The following CFAP20DC variants were observed in gnomAD, a reference collection of about 807,000 sequenced individuals.
CFAP20DC encodes the protein protein CFAP20DC.
Under a neutral mutation model 101.7 loss-of-function variants are expected in CFAP20DC, and 84 were observed. That is an observed-to-expected ratio of 0.83 (90% CI 0.69 to 0.99). The LOEUF is 0.99. Ranked by LOEUF, CFAP20DC falls within the 50% of genes least tolerant of loss-of-function variation. The pLI, the probability that CFAP20DC is intolerant of heterozygous loss-of-function variation, is 0.00. For missense variants in CFAP20DC, 1,007 were observed against 970.3 expected, an observed-to-expected ratio of 1.04 and a Z score of -0.50; for synonymous variants, 359 against 351.2, an observed-to-expected ratio of 1.02 and a Z score of -0.25.
At position 58,724,730 on chromosome 3, in the gene CFAP20DC, C is replaced by T. The variant is rs577747425; in HGVS notation, c.198-7102G>A. On this transcript the variant is annotated intron_variant, in intron 3 of 3. Transcript: ENST00000486145. This position sits in a 1 kb window ranked among gnomAD's most constrained non-coding sequence, Gnocchi z 5.6. ...TTTGCAGCCTCCATTTTGCAACTGG[C>T]CCCCTGGCTCCCACCTTTATGAACT... is the stretch of plus-strand genomic sequence containing the variant. Among the ~76,000 whole-genome samples, 2 of 152,252 alleles carry T rather than the reference C, an allele frequency of 1.3e-5. No homozygotes were observed. The highest frequency in any genetic ancestry group is 1.9e-4 in the East Asian group (1 of 5,172).
Position 58,801,526 on chromosome 3 carries a change from T to G in CFAP20DC, c.2237+4869A>C, listed in dbSNP as rs189850788. On this transcript the variant is annotated intron_variant, in intron 15 of 16. Transcript: ENST00000482387. ...GAACATTAAAGTTCTGTACTTAATT[T>G]TATTAATTTATACATTTTCTCTCTT... Among the ~76,000 whole-genome samples the G allele has an allele frequency of 4.9e-4, 75 of 152,302 alleles. 1 individual carries two copies. The highest frequency in any genetic ancestry group is 1.8e-3 in the African/African-American group (73 of 41,578).
At chr3:58,816,495 G>A (rs1214744370) in intron 14 of CFAP20DC, among the ~76,000 whole-genome samples, 1 of 152,218 alleles carries the variant, frequency 6.6e-6, no homozygotes, top group Non-Finnish European at 1.5e-5. Context: ...CAAGGGGTCA[G>A]GGAGTTCCCT....
At chr3:58,930,910 C>A (rs1041021249) in intron 5 of CFAP20DC, among the ~76,000 whole-genome samples, 1 of 152,122 alleles carries the variant, frequency 6.6e-6, no homozygotes, top group Non-Finnish European at 1.5e-5. Context: ...GAGTGTCAGA[C>A]AGTGGGCGCA....
At chr3:58,967,964 T>A (rs2091690117) in intron 4 of CFAP20DC, among the ~76,000 whole-genome samples, 1 of 152,220 alleles carries the variant, frequency 6.6e-6, no homozygotes, top group South Asian at 2.1e-4. Context: ...ATGCAGCATT[T>A]AGTTTTCTGT....
chr3:59,046,004 T>G (rs1699828198), intron 3 of CFAP20DC, among the ~76,000 whole-genome samples: 1 of 152,126 alleles, frequency 6.6e-6, no homozygotes, highest in Non-Finnish European at 1.5e-5. Context: ...AAATCTTCTT[T>G]AAGATACTAC....
chr3:58,820,213 T>C (rs2075527509), intron 14 of CFAP20DC, among the ~76,000 whole-genome samples: 1 of 150,358 alleles, frequency 6.7e-6, no homozygotes, highest in South Asian at 2.1e-4. Context: ...ACTGGAAGCA[T>C]TCCCTTTGAA....
intron 4 of CFAP20DC, among the ~76,000 whole-genome samples, chr3:58,940,213 G>C (rs1351221694): frequency 6.6e-6 from 1 of 152,206 alleles, no homozygotes. Flanking sequence ...AAATTGCTGG[G>C]AGTACGTCAG....
At chr3:58,765,252 C>T (rs1367422462) in intron 15 of CFAP20DC, among the ~76,000 whole-genome samples, 1 of 151,822 alleles carries the variant, frequency 6.6e-6, no homozygotes, top group Non-Finnish European at 1.5e-5. Flanking sequence ...TATAAGTATA[C>T]TGTATGTGTA....
intron 7 of CFAP20DC, among the ~76,000 whole-genome samples, chr3:58,872,780 AT>A (rs1259838384): frequency 6.6e-6 from 1 of 151,912 alleles, no homozygotes; most frequent in Non-Finnish European, 1.5e-5. Flanking sequence ...GAGGTGATAA[AT>A]TTTTTGTCAT....
In CFAP20DC at chr3:58,971,864, TACAC is replaced by T. The variant is rs34030341; in HGVS notation, c.279-34106_279-34103del. 0.015 allele frequency among the ~76,000 whole-genome samples: 2,117 copies of T among 142,438 alleles called. 43 individuals are homozygous for T. Among genetic ancestry groups the T allele is most frequent in the African/African-American group, 0.039 (1,532 of 39,470 alleles). 93.4% of individuals were successfully genotyped at this position (142,438 alleles called of 152,430 possible). On this transcript the variant is annotated intron_variant, in intron 4 of 16. Coordinates refer to ENST00000482387, the MANE Select transcript of CFAP20DC (RefSeq NM_001394063.1). This position sits in a 1 kb window ranked among gnomAD's most constrained non-coding sequence, Gnocchi z 4.1. ...CTGTAATATCATACACACGCACACA[TACAC>T]ACACACACACACACACACACACACA...
intron 6 of CFAP20DC, among the ~76,000 whole-genome samples, chr3:58,900,046 T>G (rs967008551): frequency 6.6e-6 from 1 of 152,194 alleles, no homozygotes; most frequent in African/African-American, 2.4e-5. Flanking sequence ...GGGAAAGTCC[T>G]GTGTGATAAA....
In CFAP20DC at chr3:59,049,720, G is replaced by C; in HGVS notation, c.-89C>G. 1 of 1,479,314 alleles carries C rather than the reference G, an allele frequency of 6.8e-7. No homozygotes were observed. The highest frequency in any genetic ancestry group is 9.0e-7 in the Non-Finnish European group (1 of 1,107,012). The allele number at this position is 1,479,314 out of a possible 1,614,324, so 91.6% of individuals were successfully genotyped here. On this transcript the variant is annotated 5_prime_UTR_variant, in exon 1 of 17. Coordinates refer to ENST00000482387, the MANE Select transcript of CFAP20DC (RefSeq NM_001394063.1). ...CTGACGGCTGGAAATCGGCTGGCGG[G>C]AACCCAGGAGCCCGACGGGTGGGAA...
intron 4 of CFAP20DC, among the ~76,000 whole-genome samples, chr3:58,988,136 G>A (rs913540417): frequency 2.2e-4 from 33 of 152,024 alleles, no homozygotes; most frequent in African/African-American, 7.7e-4. Context: ...ATGGAAGGAA[G>A]TTTAAATATG....
At chr3:59,009,613 G>C (rs1300816762) in intron 4 of CFAP20DC, among the ~76,000 whole-genome samples, 3 of 152,066 alleles carry the variant, frequency 2.0e-5, no homozygotes, top group Non-Finnish European at 4.4e-5. Context: ...GTGTTCCCGA[G>C]GAAGAAGAGA....
At chr3:58,774,192 G>A (rs942539098) in intron 15 of CFAP20DC, among the ~76,000 whole-genome samples, 2 of 151,896 alleles carry the variant, frequency 1.3e-5, no homozygotes, top group African/African-American at 2.4e-5. Context: ...GAAAAAAAAT[G>A]CTATCAAGGC....
At chr3:58,904,749 C>T (rs903215248) in intron 6 of CFAP20DC, among the ~76,000 whole-genome samples, 5 of 152,072 alleles carry the variant, frequency 3.3e-5, no homozygotes, top group African/African-American at 1.2e-4. Context: ...GCTTTCTTTT[C>T]CTTATTTGTC....
intron 15 of CFAP20DC, among the ~76,000 whole-genome samples, chr3:58,765,159 C>T (rs567781669): frequency 3.7e-4 from 56 of 152,188 alleles, no homozygotes; most frequent in African/African-American, 1.3e-3. Flanking sequence ...TTAAGACAGA[C>T]TATGGCTTCA....
At chr3:58,726,595 A>T (rs528868460) in intron 3 of CFAP20DC, 63 of 180,520 alleles carry the variant, frequency 3.5e-4, no homozygotes, top group Non-Finnish European at 6.7e-4. Flanking sequence ...AATGAAAGTG[A>T]CCCATCCCTT....
chr3:58,998,318 G>A (rs77998431), intron 4 of CFAP20DC, among the ~76,000 whole-genome samples: 1,556 of 152,286 alleles, frequency 0.01, 29 homozygotes, highest in African/African-American at 0.035. Flanking sequence ...CTTGCAAACT[G>A]TATATGACTG....
Sources: allele counts gnomAD v4.1 joint callset (sites outside exome capture counted in the v4.1 genomes callset), GRCh38; gene constraint gnomAD v4.1.1; non-coding constraint Gnocchi (gnomAD v3.1); transcripts MANE v1.5; gene names NCBI Gene and HGNC (gene_info 2026-07-23, HGNC 2026-07-21).